Variants in LSAMP observed in about 807,000 individuals in gnomAD.
LSAMP encodes the protein limbic system-associated membrane protein.
A neutral mutation model predicts 38.6 loss-of-function variants in LSAMP; 7 were observed. The observed-to-expected ratio is 0.18, with a 90% CI of 0.10 to 0.34. The LOEUF (loss-of-function observed/expected upper bound fraction) is 0.34, where lower values mean the gene tolerates loss of function less well. Among genes scored for constraint, LSAMP ranks in the 10% least tolerant of loss-of-function variants. The probability of loss-of-function intolerance (pLI) is 1.00; values close to 1 mark genes in which losing one functional copy is unlikely to be tolerated. For missense variants in LSAMP, 313 were observed against 420.0 expected (o/e 0.75, Z 2.23); for synonymous variants, 154 against 166.8 (o/e 0.92, Z 0.59).
chr3:116,378,925 G>A (rs543722137), intron 1 of LSAMP, among the ~76,000 whole-genome samples: 2 of 151,428 alleles, frequency 1.3e-5, no homozygotes, highest in Non-Finnish European at 2.9e-5. Flanking sequence ...GTAAAGGGCA[G>A]AAGTAATGCA....
At chr3:116,012,939 T>C (rs1940373512) in intron 3 of LSAMP, among the ~76,000 whole-genome samples, 1 of 152,210 alleles carries the variant, frequency 6.6e-6, no homozygotes, top group South Asian at 2.1e-4. Flanking sequence ...CTTGGAATGG[T>C]GGCAAAAAGT....
chr3:116,351,143 A>G (rs1412261205), intron 1 of LSAMP, among the ~76,000 whole-genome samples: 1 of 151,986 alleles, frequency 6.6e-6, no homozygotes, highest in Non-Finnish European at 1.5e-5. Flanking sequence ...AGTTTGCATA[A>G]CGGAGGAAGG....
chr3:116,034,710 A>T (rs2107708896), intron 2 of LSAMP, among the ~76,000 whole-genome samples: 1 of 152,270 alleles, frequency 6.6e-6, no homozygotes, highest in Non-Finnish European at 1.5e-5. Context: ...CCTGATGGTA[A>T]AATACCCCAA....
intron 1 of LSAMP, among the ~76,000 whole-genome samples, chr3:116,223,082 G>A (rs989959552): frequency 2.4e-4 from 37 of 151,678 alleles, no homozygotes; most frequent in African/African-American, 8.5e-4. Context: ...ATTCTCTAGT[G>A]TAATAGACAC....
chr3:116,256,003 T>C (rs566830718), intron 1 of LSAMP, among the ~76,000 whole-genome samples: 2 of 152,268 alleles, frequency 1.3e-5, no homozygotes, highest in South Asian at 2.1e-4. Flanking sequence ...GGGTTTTCCT[T>C]TTCCTTGCTG....
chr3:116,391,887 G>A (rs1028957456), intron 1 of LSAMP, among the ~76,000 whole-genome samples: 1 of 152,076 alleles, frequency 6.6e-6, no homozygotes, highest in Admixed American at 6.5e-5. Flanking sequence ...TCTCTGCCAG[G>A]CTGCCCAGGG....
At chr3:116,006,953 A>G (rs1287154404) in intron 3 of LSAMP, among the ~76,000 whole-genome samples, 1 of 152,224 alleles carries the variant, frequency 6.6e-6, no homozygotes, top group Non-Finnish European at 1.5e-5. Flanking sequence ...TCCACAGCCC[A>G]AACAGCATAA....
intron 1 of LSAMP, among the ~76,000 whole-genome samples, chr3:116,166,783 TTTTG>T: frequency 6.8e-6 from 1 of 147,810 alleles, no homozygotes; most frequent in African/African-American, 2.5e-5. Context: ...TTAGTTTTTT[TTTTG>T]TTTTTTTTTT....
At chr3:116,164,721 A>G (rs866911029) in intron 1 of LSAMP, among the ~76,000 whole-genome samples, 35 of 135,204 alleles carry the variant, frequency 2.6e-4, no homozygotes, top group African/African-American at 8.8e-4. Context: ...ATATATATAT[A>G]TAATCCAAAT....
At chr3:116,413,175 A>C (rs2049002788) in intron 1 of LSAMP, among the ~76,000 whole-genome samples, 1 of 152,098 alleles carries the variant, frequency 6.6e-6, no homozygotes, top group South Asian at 2.1e-4. Flanking sequence ...TTAAAACCAC[A>C]AATTTCTTGT....
At chr3:115,824,058 T>G (rs1376709572) in intron 6 of LSAMP, among the ~76,000 whole-genome samples, 1 of 152,236 alleles carries the variant, frequency 6.6e-6, no homozygotes, top group Non-Finnish European at 1.5e-5. Flanking sequence ...AAGTCAGCTT[T>G]CTTACATTTT....
chr3:115,906,740 T>C (rs115744108), intron 3 of LSAMP, among the ~76,000 whole-genome samples: 2,268 of 152,252 alleles, frequency 0.015, 53 homozygotes, highest in African/African-American at 0.051. Context: ...CAGGTGCCCA[T>C]TGAATGTTAA....
chr3:116,004,443 T>C (rs1940092618), intron 3 of LSAMP, among the ~76,000 whole-genome samples: 1 of 151,052 alleles, frequency 6.6e-6, no homozygotes, highest in African/African-American at 2.4e-5. Flanking sequence ...TATACACATA[T>C]ACATATATAC....
chr3:116,175,662 T>A (rs555358266), intron 1 of LSAMP, among the ~76,000 whole-genome samples: 2 of 152,166 alleles, frequency 1.3e-5, no homozygotes, highest in Admixed American at 1.3e-4. Flanking sequence ...CACATACCCA[T>A]ACCCACATTA....
intron 3 of LSAMP, among the ~76,000 whole-genome samples, chr3:115,909,760 T>C (rs1435770425): frequency 1.3e-5 from 2 of 152,220 alleles, no homozygotes; most frequent in Non-Finnish European, 2.9e-5. Flanking sequence ...ATATAATCTG[T>C]GCTCTCTCAG....
chr3:116,430,774 A>G (rs1045035522), intron 1 of LSAMP, among the ~76,000 whole-genome samples: 16 of 152,016 alleles, frequency 1.1e-4, no homozygotes, highest in Non-Finnish European at 2.1e-4. Flanking sequence ...ATAGGGGGAT[A>G]CTTAGAGCTA....
chr3:115,861,259 C>T (rs1013257766), intron 3 of LSAMP, among the ~76,000 whole-genome samples: 4 of 150,380 alleles, frequency 2.7e-5, no homozygotes, highest in African/African-American at 7.4e-5. Context: ...AGCATAAAAT[C>T]GTATGAAAAT....
At chr3:116,164,760 A>ATATATATATATT (rs374542146) in intron 1 of LSAMP, among the ~76,000 whole-genome samples, 6 of 91,640 alleles carry the variant, frequency 6.5e-5, no homozygotes, top group African/African-American at 1.0e-4. Flanking sequence ...ATATATATAT[A>ATATATATATATT]TTTTTTTTTT....
chr3:116,200,614 C>A (rs1038645675), intron 1 of LSAMP, among the ~76,000 whole-genome samples: 1 of 152,192 alleles, frequency 6.6e-6, no homozygotes, highest in Admixed American at 6.5e-5. Context: ...CATAAAATCA[C>A]CCAGTTCCGT....
Sources: allele counts gnomAD v4.1 joint callset (sites outside exome capture counted in the v4.1 genomes callset), GRCh38; gene constraint gnomAD v4.1.1; transcripts MANE v1.5; gene names NCBI Gene and HGNC (gene_info 2026-07-23, HGNC 2026-07-21).